Variants in LIMCH1 observed in about 807,000 individuals in gnomAD.
LIMCH1 encodes the protein LIM and calponin homology domains-containing protein 1.
Under a neutral mutation model 176.5 loss-of-function variants are expected in LIMCH1, and 113 were observed. That is an observed-to-expected ratio of 0.64 (90% confidence interval 0.55 to 0.75). The LOEUF (loss-of-function observed/expected upper bound fraction) is 0.75, where lower values mean the gene tolerates loss of function less well. LIMCH1 is among the 30% of genes least tolerant of loss of function. LIMCH1 has a pLI of 0.00. For missense variants in LIMCH1, 1,674 were observed against 1,814.9 expected, an observed-to-expected ratio of 0.92 and a Z score of 1.41; for synonymous variants, 619 against 645.9, an observed-to-expected ratio of 0.96 and a Z score of 0.63.
At chr4:41,631,919 C>CTCCTTTT (rs2093348157) in intron 10 of LIMCH1, among the ~76,000 whole-genome samples, 1 of 152,068 alleles carries the variant, frequency 6.6e-6, no homozygotes, top group Non-Finnish European at 1.5e-5. Context: ...TCTAAGTAGA[C>CTCCTTTT]ATATTAAAAA....
chr4:41,562,829 G>C (rs746660667), intron 1 of LIMCH1, among the ~76,000 whole-genome samples: 4 of 152,112 alleles, frequency 2.6e-5, no homozygotes, highest in Non-Finnish European at 5.9e-5. Flanking sequence ...TCTGGGTCAT[G>C]GGGGAGGGGT....
chr4:41,455,040 T>A (rs760486345), intron 1 of LIMCH1, among the ~76,000 whole-genome samples: 43 of 151,866 alleles, frequency 2.8e-4, no homozygotes, highest in Admixed American at 3.9e-4. Flanking sequence ...GTTATTGACA[T>A]GAATACCATA....
At chr4:41,544,131 G>A (rs551498683) in intron 1 of LIMCH1, among the ~76,000 whole-genome samples, 1 of 151,686 alleles carries the variant, frequency 6.6e-6, no homozygotes, top group South Asian at 2.1e-4. Context: ...TATGCTGGAT[G>A]CTTTACGTGT....
intron 1 of LIMCH1, among the ~76,000 whole-genome samples, chr4:41,567,578 T>C (rs1361439024): frequency 6.6e-6 from 1 of 152,208 alleles, no homozygotes; most frequent in Non-Finnish European, 1.5e-5. Context: ...GGTGCTATAC[T>C]TGAATTATCT....
chr4:41,658,286 G>A (rs1440592782), intron 18 of LIMCH1, among the ~76,000 whole-genome samples: 1 of 152,178 alleles, frequency 6.6e-6, no homozygotes, highest in East Asian at 1.9e-4. Flanking sequence ...AGTAAATATT[G>A]ATTGCAGTTT....
chr4:41,567,738 C>T (rs2082961501), intron 1 of LIMCH1, among the ~76,000 whole-genome samples: 1 of 152,184 alleles, frequency 6.6e-6, no homozygotes, highest in African/African-American at 2.4e-5. Flanking sequence ...TTGTGTTTAT[C>T]TTTGGAAGTA....
intron 1 of LIMCH1, among the ~76,000 whole-genome samples, chr4:41,452,002 G>A (rs1411135559): frequency 6.6e-6 from 1 of 152,102 alleles, no homozygotes; most frequent in Non-Finnish European, 1.5e-5. Context: ...ACGCTTTCTG[G>A]ATAAACTCTT....
intron 1 of LIMCH1, among the ~76,000 whole-genome samples, chr4:41,563,035 G>A (rs2082261402): frequency 6.6e-6 from 1 of 152,164 alleles, no homozygotes; most frequent in Non-Finnish European, 1.5e-5. Context: ...GTGGAACACT[G>A]CAAAGGATTG....
At chr4:41,474,259 C>T (rs557008799) in intron 1 of LIMCH1, among the ~76,000 whole-genome samples, 19 of 151,904 alleles carry the variant, frequency 1.3e-4, no homozygotes, top group Admixed American at 2.6e-4. Context: ...GAGGCTGAGG[C>T]AGGTGGATCA....
intron 22 of LIMCH1, among the ~76,000 whole-genome samples, chr4:41,673,532 A>T (rs2095120263): frequency 6.6e-6 from 1 of 152,228 alleles, no homozygotes. Context: ...AACTTGAAAT[A>T]AGTAGCGCTT....
At chr4:41,555,959 G>T (rs2081191060) in intron 1 of LIMCH1, among the ~76,000 whole-genome samples, 1 of 151,998 alleles carries the variant, frequency 6.6e-6, no homozygotes, top group Admixed American at 6.6e-5. Context: ...TGCCCAGGTT[G>T]GTCTTGAACT....
At chr4:41,586,932 TG>T (rs1456090353) in intron 1 of LIMCH1, among the ~76,000 whole-genome samples, 25 of 152,254 alleles carry the variant, frequency 1.6e-4, no homozygotes, top group Admixed American at 1.6e-3. Flanking sequence ...AACTGTGCTA[TG>T]AGGAAAAAAT....
chr4:41,458,491 T>C (rs897745085), intron 1 of LIMCH1, among the ~76,000 whole-genome samples: 4 of 151,982 alleles, frequency 2.6e-5, no homozygotes, highest in Non-Finnish European at 5.9e-5. Context: ...AAAGATGGAT[T>C]GTGGGCCAGG....
At chr4:41,388,639 C>A (rs2056811852) in intron 1 of LIMCH1, among the ~76,000 whole-genome samples, 2 of 140,354 alleles carry the variant, frequency 1.4e-5, no homozygotes, top group Admixed American at 1.5e-4. Flanking sequence ...GGCTATGCAT[C>A]CATTAAGCTT....
chr4:41,590,584 A>AT (rs2087351989), intron 1 of LIMCH1, among the ~76,000 whole-genome samples: 1 of 152,022 alleles, frequency 6.6e-6, no homozygotes, highest in Non-Finnish European at 1.5e-5. Context: ...CTCACCTTTC[A>AT]TAGTTCTCTT....
intron 22 of LIMCH1, among the ~76,000 whole-genome samples, chr4:41,672,088 G>C (rs1226269995): frequency 6.6e-6 from 1 of 152,134 alleles, no homozygotes; most frequent in African/African-American, 2.4e-5. Context: ...GAATGTGACA[G>C]ACTTGGCATG....
intron 14 of LIMCH1, among the ~76,000 whole-genome samples, 185 bp from the exon 15 acceptor site, chr4:41,644,315 G>C (rs1030276970): frequency 1.3e-5 from 2 of 152,220 alleles, no homozygotes; most frequent in African/African-American, 2.4e-5. Context: ...GAGGCGGTGG[G>C]GTGCCAGCAC....
intron 1 of LIMCH1, among the ~76,000 whole-genome samples, chr4:41,552,623 A>G (rs965121582): frequency 3.9e-5 from 6 of 152,198 alleles, no homozygotes; most frequent in African/African-American, 1.4e-4. Flanking sequence ...AAATTTTGTG[A>G]CACAAAGTAT....
intron 1 of LIMCH1, among the ~76,000 whole-genome samples, chr4:41,576,276 C>G (rs2084446277): frequency 6.6e-6 from 1 of 151,958 alleles, no homozygotes; most frequent in Non-Finnish European, 1.5e-5. Flanking sequence ...TACATTTTTT[C>G]AGACTTTTTT....
Sources: allele counts gnomAD v4.1 joint callset (sites outside exome capture counted in the v4.1 genomes callset), GRCh38; gene constraint gnomAD v4.1.1; transcripts MANE v1.5; gene names NCBI Gene and HGNC (gene_info 2026-07-23, HGNC 2026-07-21).